The following SLCO4C1 variants were observed in gnomAD, a reference collection of about 807,000 sequenced individuals.
The protein encoded by SLCO4C1 is organic anion transporter M1.
In SLCO4C1, 58 loss-of-function variants were observed where a neutral mutation model predicts 72.1. That is an observed-to-expected ratio of 0.80 (90% confidence interval 0.65 to 1.00). SLCO4C1 has a LOEUF of 1.00. SLCO4C1 is among the 50% of genes least tolerant of loss of function. SLCO4C1 has a pLI of 0.00. For missense variants in SLCO4C1, 898 were observed against 857.9 expected (o/e 1.05, Z -0.58); for synonymous variants, 297 against 312.5 (o/e 0.95, Z 0.52).
intron 2 of SLCO4C1, among the ~76,000 whole-genome samples, chr5:102,276,564 C>T (rs1055758438): frequency 2.0e-5 from 3 of 152,094 alleles, no homozygotes; most frequent in Admixed American, 1.3e-4. Flanking sequence ...GGTATTTTAC[C>T]GTCTTTTACA....
Position 102,295,991 on chromosome 5 carries a change from C to T in SLCO4C1, c.272G>A (p.Arg91Lys). 1 of 1,614,258 alleles carries T rather than the reference C, an allele frequency of 6.2e-7. No homozygotes were observed. The highest frequency in any genetic ancestry group is 1.6e-4 in the Middle Eastern group (1 of 6,062). Residue 91 changes from arginine to lysine, a missense_variant, in exon 1 of 13, where the codon AGG becomes AAG. Coordinates refer to ENST00000310954, the MANE Select transcript of SLCO4C1 (RefSeq NM_180991.5). ...SEFEEGSYGW[R>K]NFHPQCLQRC... is the part of the protein sequence containing the mutation. ...CTGGAGACATTGAGGATGGAAGTTC[C>T]TCCAGCCGTAAGACCCCTCCTCAAA... is the stretch of plus-strand genomic sequence containing the variant.
intron 3 of SLCO4C1, among the ~76,000 whole-genome samples, chr5:102,264,029 A>G (rs1229438331): frequency 6.6e-6 from 1 of 152,106 alleles, no homozygotes; most frequent in Admixed American, 6.6e-5. Context: ...ATCCATGGAA[A>G]GTGTTGTTAA....
chr5:102,258,776 C>G (rs967874579), intron 6 of SLCO4C1, among the ~76,000 whole-genome samples: 1 of 151,652 alleles, frequency 6.6e-6, no homozygotes, highest in African/African-American at 2.4e-5. Flanking sequence ...CACACACACA[C>G]GGAGTCACAA....
intron 3 of SLCO4C1, among the ~76,000 whole-genome samples, chr5:102,269,979 T>C (rs1021190446): frequency 1.3e-5 from 2 of 152,144 alleles, no homozygotes; most frequent in Non-Finnish European, 2.9e-5. Context: ...GCCAATGGTA[T>C]CTGTGAGATC....
chr5:102,260,649 T>C (rs886421256), intron 5 of SLCO4C1, among the ~76,000 whole-genome samples: 2 of 152,058 alleles, frequency 1.3e-5, no homozygotes, highest in African/African-American at 4.8e-5. Flanking sequence ...ATCACACATC[T>C]ATGCTTTTCA....
In SLCO4C1 at chr5:102,236,870, T is replaced by C. The variant is rs766750859; in HGVS notation, c.2163A>G (p.Val721=). The change falls in exon 13 of 13, where the codon GTA becomes GTG. Residue 721 remains valine, a synonymous_variant. Coordinates refer to ENST00000310954, the MANE Select transcript of SLCO4C1 (RefSeq NM_180991.5). The part of the protein sequence containing the change: ...VLAEQDLNKI[V]KEG The stretch of plus-strand genomic sequence containing the variant: ...CTCTTTTCCCATTTCACCCTTCTTT[T>C]ACTATTTTGTTGAGATCCTGTTCTG... The C allele has an allele frequency of 2.5e-6, 4 of 1,611,576 alleles. No individual in the cohort carries two copies. The South Asian group carries it at 4.4e-5, about 18-fold the overall frequency.
At chr5:102,268,912 GC>G (rs1749096773) in intron 3 of SLCO4C1, among the ~76,000 whole-genome samples, 1 of 152,048 alleles carries the variant, frequency 6.6e-6, no homozygotes, top group South Asian at 2.1e-4. Flanking sequence ...CTGAAGAATA[GC>G]TTTGCTGGAT....
In SLCO4C1 at chr5:102,247,453, T is replaced by G; in HGVS notation, c.1621-11A>C. The G allele has an allele frequency of 1.4e-6, 2 of 1,476,280 alleles. No homozygotes were observed. Among genetic ancestry groups the G allele is most frequent in the Non-Finnish European group, 1.8e-6 (2 of 1,088,650 alleles). The allele number at this position is 1,476,280 out of a possible 1,614,324, so 91.4% of individuals were successfully genotyped here. A position where few individuals can be genotyped will look rare whatever the true frequency, so the allele number is the denominator to read the frequency against. ...ACAGTTGTAATATACCTAAAAATATTAGACATAAAAACAATGAAAGTGATC... is the reference window on the plus strand; with the variant it reads ...ACAGTTGTAATATACCTAAAAATATGAGACATAAAAACAATGAAAGTGATC... On this transcript the variant is annotated splice_polypyrimidine_tract_variant and intron_variant, in intron 9 of 12. Coordinates refer to ENST00000310954, the MANE Select transcript of SLCO4C1 (RefSeq NM_180991.5).
intron 2 of SLCO4C1, among the ~76,000 whole-genome samples, chr5:102,285,471 G>C (rs909950452): frequency 6.6e-6 from 1 of 151,976 alleles, no homozygotes; most frequent in South Asian, 2.1e-4. Flanking sequence ...TTTTAGTAGG[G>C]ACAGGGTTTC....
intron 2 of SLCO4C1, among the ~76,000 whole-genome samples, chr5:102,278,995 A>G (rs983140426): frequency 2.0e-5 from 3 of 151,706 alleles, no homozygotes; most frequent in Non-Finnish European, 4.4e-5. Context: ...AAAGAGCAGA[A>G]ATCAATAAAT....
intron 2 of SLCO4C1, among the ~76,000 whole-genome samples, chr5:102,283,851 T>C (rs1749400367): frequency 6.6e-6 from 1 of 151,922 alleles, no homozygotes; most frequent in Non-Finnish European, 1.5e-5. Flanking sequence ...TTCCATAAAC[T>C]TGGGCTAAAA....
Position 102,242,127 on chromosome 5 carries a change from C to A in SLCO4C1, c.1812-1345G>T, listed in dbSNP as rs554974361. Among the ~76,000 whole-genome samples the A allele has an allele frequency of 3.9e-5, 6 of 152,258 alleles. No homozygotes were observed. In the South Asian group the frequency reaches 1.2e-3, roughly 32 times the overall value. On this transcript the variant is annotated intron_variant, in intron 10 of 12. Coordinates refer to ENST00000310954, the MANE Select transcript of SLCO4C1 (RefSeq NM_180991.5). The stretch of plus-strand genomic sequence containing the variant: ...ACCAGACCAACTTACCTGACACCTG[C>A]CCACAGAGGGAGTATTTAAACCAGC...
intron 7 of SLCO4C1, among the ~76,000 whole-genome samples, chr5:102,257,620 T>A (rs1580248587): frequency 1.1e-4 from 1 of 9,058 alleles, no homozygotes; most frequent in Admixed American, 1.5e-3. Context: ...TTAAGTGTCT[T>A]TTTTTTTTTT....
chr5:102,283,898 T>C (rs754491571), intron 2 of SLCO4C1, among the ~76,000 whole-genome samples: 1 of 152,066 alleles, frequency 6.6e-6, no homozygotes, highest in African/African-American at 2.4e-5. Flanking sequence ...TTAGAAGCAC[T>C]GAAGTGAAAT....
chr5:102,256,498 AC>A (rs1405710256), intron 8 of SLCO4C1, among the ~76,000 whole-genome samples: 1 of 152,178 alleles, frequency 6.6e-6, no homozygotes, highest in Non-Finnish European at 1.5e-5. Flanking sequence ...GCTGTGCAAC[AC>A]CCTCCTGCCT....
At chr5:102,295,837 T>G (rs1749639369) in intron 1 of SLCO4C1, 71 bp downstream of exon 1, 2 of 1,465,054 alleles carry the variant, frequency 1.4e-6, no homozygotes, top group African/African-American at 2.8e-5. Flanking sequence ...ACCTGCCCTC[T>G]CCCCCGGCTG....
At chr5:102,270,148 T>G (rs1405796524) in intron 3 of SLCO4C1, among the ~76,000 whole-genome samples, 1 of 152,184 alleles carries the variant, frequency 6.6e-6, no homozygotes, top group East Asian at 1.9e-4. Flanking sequence ...AGCTTTACCT[T>G]GCAGGAACAT....
chr5:102,255,361 G>A (rs1748815406), intron 8 of SLCO4C1, among the ~76,000 whole-genome samples: 2 of 152,010 alleles, frequency 1.3e-5, no homozygotes, highest in Admixed American at 1.3e-4. Context: ...CATGTACTTT[G>A]TTACTCAAGG....
chr5:102,282,960 A>T (rs1165972206), intron 2 of SLCO4C1, among the ~76,000 whole-genome samples: 1 of 151,974 alleles, frequency 6.6e-6, no homozygotes, highest in Non-Finnish European at 1.5e-5. Context: ...TATCATGTTC[A>T]AAGTCAAAAA....
Sources: allele counts gnomAD v4.1 joint callset (sites outside exome capture counted in the v4.1 genomes callset), GRCh38; gene constraint gnomAD v4.1.1; transcripts MANE v1.5; gene names NCBI Gene and HGNC (gene_info 2026-07-23, HGNC 2026-07-21).